NEBL: variants seen among roughly 807,000 people sequenced by gnomAD.
NEBL encodes nebulette.
NEBL carries 122 observed loss-of-function variants against 140.2 expected under a neutral mutation model. The ratio of observed to expected loss-of-function variants is 0.87; its 90% confidence interval spans 0.75 to 1.01. The LOEUF (loss-of-function observed/expected upper bound fraction) is 1.01. NEBL is among the 50% of genes least tolerant of loss of function. The probability of loss-of-function intolerance (pLI) is 0.00; values close to 1 mark genes in which losing one functional copy is unlikely to be tolerated. For synonymous variants in NEBL, 436 were observed against 398.9 expected, an observed-to-expected ratio of 1.09 and a Z score of -1.11; for missense variants, 1,365 against 1,231.3, an observed-to-expected ratio of 1.11 and a Z score of -1.62.
intron 2 of NEBL, among the ~76,000 whole-genome samples, chr10:20,891,866 G>C: frequency 1.3e-5 from 2 of 152,116 alleles, no homozygotes; most frequent in Admixed American, 1.3e-4. Context: ...AATAAGCAAA[G>C]AATGTTAGAT....
At chr10:20,913,600 GT>G (rs377432531) in intron 4 of NEBL, among the ~76,000 whole-genome samples, 12 of 152,136 alleles carry the variant, frequency 7.9e-5, no homozygotes, top group African/African-American at 2.2e-4. Context: ...CAAAAACCAA[GT>G]GTACGAAATA....
chr10:21,004,885 A>G (rs1838065992), intron 3 of NEBL, among the ~76,000 whole-genome samples: 1 of 152,238 alleles, frequency 6.6e-6, no homozygotes, highest in Non-Finnish European at 1.5e-5. Flanking sequence ...ACTGACTCAC[A>G]GAAAGCATCT....
chr10:21,199,825 C>G (rs906232683), intron 3 of NEBL, among the ~76,000 whole-genome samples: 8 of 152,166 alleles, frequency 5.3e-5, no homozygotes, highest in Admixed American at 5.2e-4. Context: ...TGACAACTGG[C>G]TGGAGGTTAT....
intron 2 of NEBL, among the ~76,000 whole-genome samples, chr10:21,124,764 G>A (rs901819428): frequency 2.0e-5 from 3 of 152,144 alleles, no homozygotes; most frequent in Non-Finnish European, 2.9e-5. Context: ...GACCAATCTC[G>A]GCAACATAGC....
intron 3 of NEBL, among the ~76,000 whole-genome samples, chr10:20,998,245 A>G (rs1043334048): frequency 2.0e-5 from 3 of 152,188 alleles, no homozygotes; most frequent in Admixed American, 6.5e-5. Flanking sequence ...AAGGACCCTG[A>G]GTAGCCGTGT....
intron 10 of NEBL, among the ~76,000 whole-genome samples, chr10:20,851,114 A>G (rs1842460224): frequency 6.6e-6 from 1 of 152,226 alleles, no homozygotes; most frequent in African/African-American, 2.4e-5. Flanking sequence ...GGTTTATAAA[A>G]TGAGTGATAT....
chr10:21,116,325 C>A (rs1202304235), intron 2 of NEBL, among the ~76,000 whole-genome samples: 1 of 152,058 alleles, frequency 6.6e-6, no homozygotes, highest in Non-Finnish European at 1.5e-5. Context: ...GCACATTGCT[C>A]CTTCTCACTG....
At chr10:20,906,228 C>G (rs1216130019) in intron 4 of NEBL, among the ~76,000 whole-genome samples, 1 of 152,048 alleles carries the variant, frequency 6.6e-6, no homozygotes, top group Admixed American at 6.6e-5. Context: ...TAAAATGCAC[C>G]TCTTTTTTCT....
intron 2 of NEBL, among the ~76,000 whole-genome samples, chr10:21,033,827 T>C (rs590763): frequency 0.61 from 91,838 of 151,100 alleles, 27,968 homozygotes; most frequent in East Asian, 0.73. Flanking sequence ...ATGGCTCTCG[T>C]TTGGCTCTCA....
intron 3 of NEBL, among the ~76,000 whole-genome samples, chr10:21,200,571 C>T (rs1043521502): frequency 6.6e-6 from 1 of 152,168 alleles, no homozygotes; most frequent in African/African-American, 2.4e-5. Context: ...GCCTCGGCCT[C>T]CCAAAGTGCT....
chr10:20,838,103 T>C (rs758712414), intron 13 of NEBL, among the ~76,000 whole-genome samples: 51 of 152,222 alleles, frequency 3.4e-4, no homozygotes, highest in Non-Finnish European at 6.5e-4. Flanking sequence ...TCAAGGCTTA[T>C]TATTTAAGAA....
intron 2 of NEBL, among the ~76,000 whole-genome samples, chr10:21,151,661 C>A (rs951118209): frequency 1.3e-5 from 2 of 152,168 alleles, no homozygotes; most frequent in Non-Finnish European, 2.9e-5. Flanking sequence ...CAGGCCCCTT[C>A]CTCCTTTCCA....
At chr10:20,997,051 A>G (rs528368293) in intron 3 of NEBL, among the ~76,000 whole-genome samples, 1 of 152,182 alleles carries the variant, frequency 6.6e-6, no homozygotes, top group Non-Finnish European at 1.5e-5. Flanking sequence ...ATCTTTCTAC[A>G]CTGTAACTGA....
At position 21,104,706 on chromosome 10, in the gene NEBL, G is replaced by T. The variant is rs150490702; in HGVS notation, c.164+67677C>A. On this transcript the variant is annotated intron_variant, in intron 2 of 6. Coordinates refer to the NEBL transcript ENST00000417816. ...GTTGTATCCTTCTTTTCTAATCTGT[G>T]TGCTTTTTATTACTTTCTCCTGCCT... 1.7e-3 allele frequency among the ~76,000 whole-genome samples: 259 copies of T among 152,058 alleles called. 1 individual carries two copies. The highest frequency in any genetic ancestry group is 6.1e-3 in the African/African-American group (251 of 41,474).
rs559996972 is a variant in NEBL, at chr10:20,868,370, T to C, written c.684+294A>G. On this transcript the variant is annotated intron_variant, in intron 7 of 27. Coordinates refer to ENST00000377122, the MANE Select transcript of NEBL (RefSeq NM_006393.3). ...TTAAAACACAATTATTTAGTATGAC[T>C]ATTAATGACTTCTGGAAATCCAGGG... 8.1e-6 allele frequency: 3 copies of C among 369,220 alleles called. No individual in the cohort carries two copies. In the South Asian group the frequency reaches 8.5e-5, roughly 11 times the overall value. The allele number at this position is 369,220 out of a possible 1,614,324, so 22.9% of individuals were successfully genotyped here.
intron 4 of NEBL, among the ~76,000 whole-genome samples, chr10:20,954,403 A>G (rs891469708): frequency 1.3e-5 from 2 of 152,204 alleles, no homozygotes; most frequent in African/African-American, 4.8e-5. Flanking sequence ...CCATTTCTTC[A>G]TAGAGTTCAG....
chr10:20,788,991 C>T (rs1038717264), intron 26 of NEBL, among the ~76,000 whole-genome samples: 1 of 152,158 alleles, frequency 6.6e-6, no homozygotes, highest in Admixed American at 6.5e-5. Flanking sequence ...TAAGCCTTCA[C>T]AAATGGTAAC....
chr10:20,874,866 A>G (rs1282283588), intron 5 of NEBL, among the ~76,000 whole-genome samples: 1 of 152,180 alleles, frequency 6.6e-6, no homozygotes, highest in Middle Eastern at 3.4e-3. Context: ...TAGCCTCCTG[A>G]GTAGCTGGGA....
In NEBL at chr10:21,246,407, G is replaced by A. The variant is rs151318630; in HGVS notation, n.348+1514C>T. On this transcript the variant is annotated intron_variant and non_coding_transcript_variant, in intron 3 of 8. Transcript: ENST00000675702. ...TGTTACGTCATACAAAAACTGGGAC[G>A]TGAAGGTTTATAGCAATTCTATTCA... Among the ~76,000 whole-genome samples, 17 of 152,320 alleles carry A rather than the reference G, an allele frequency of 1.1e-4. No individual in the cohort carries two copies. The East Asian group carries it at 1.5e-3, about 14-fold the overall frequency.
Sources: gnomAD v4.1 joint callset for allele counts (sites outside exome capture counted in the v4.1 genomes callset) on GRCh38, gnomAD v4.1.1 for gene constraint, MANE v1.5 for transcripts, NCBI Gene and HGNC (gene_info 2026-07-23, HGNC 2026-07-21) for gene names.